Variants in RGS7 observed in about 807,000 individuals in gnomAD.
The protein encoded by RGS7 is regulator of G-protein signaling 7.
A neutral mutation model predicts 81.1 loss-of-function variants in RGS7; 27 were observed. That is an observed-to-expected ratio of 0.33 (90% CI 0.25 to 0.46). RGS7 has a LOEUF of 0.46. Ranked by LOEUF, RGS7 falls within the 20% of genes least tolerant of loss-of-function variation. RGS7 has a pLI of 1.00. For synonymous variants in RGS7, 208 were observed against 207.7 expected, an observed-to-expected ratio of 1.00 and a Z score of -0.01; for missense variants, 396 against 607.4, an observed-to-expected ratio of 0.65 and a Z score of 3.66.
At chr1:241,115,640 T>C (rs1402947700) in intron 2 of RGS7, among the ~76,000 whole-genome samples, 1 of 152,188 alleles carries the variant, frequency 6.6e-6, no homozygotes, top group Admixed American at 6.5e-5. Flanking sequence ...CCCTGGTCCC[T>C]TGTTTTGGGA....
chr1:241,175,832 A>G (rs1244047098), intron 2 of RGS7, among the ~76,000 whole-genome samples: 1 of 152,252 alleles, frequency 6.6e-6, no homozygotes. Flanking sequence ...GCTACAATCA[A>G]ACACATCAAG....
chr1:240,968,398 C>A (rs1682676201), intron 4 of RGS7, among the ~76,000 whole-genome samples: 1 of 152,146 alleles, frequency 6.6e-6, no homozygotes, highest in Non-Finnish European at 1.5e-5. Flanking sequence ...CATGTGCCTC[C>A]TGTGAAATGG....
At chr1:241,192,252 C>CATGT (rs1491204174) in intron 2 of RGS7, among the ~76,000 whole-genome samples, 6 of 124,754 alleles carry the variant, frequency 4.8e-5, no homozygotes, top group Middle Eastern at 8.0e-3. Flanking sequence ...TCTGTCTGCA[C>CATGT]GTGTGTGTGT....
chr1:241,343,245 G>C (rs747426874), intron 2 of RGS7, among the ~76,000 whole-genome samples: 40 of 138,672 alleles, frequency 2.9e-4, no homozygotes, highest in Non-Finnish European at 5.4e-4. Context: ...CTGGGCGACA[G>C]AGCGAGACTG....
In RGS7 at chr1:240,868,039, A is replaced by AAAAG. The variant is rs142198054; in HGVS notation, c.609+544_609+547dup. ...AGAAAGAAAGAAAAGAAAAGAAGAG[A>AAAAG]AAAGAAAGAAAGAAAGAAAGAAAAG... On this transcript the variant is annotated intron_variant, in intron 9 of 18. Coordinates refer to ENST00000440928, the MANE Select transcript of RGS7 (RefSeq NM_001364886.1). The surrounding 1 kb of genome is among the most constrained non-coding windows in gnomAD (Gnocchi z 5.1). 2.3e-3 allele frequency among the ~76,000 whole-genome samples: 353 copies of AAAAG among 150,856 alleles called. 2 individuals carry two copies. Among genetic ancestry groups the AAAAG allele is most frequent in the South Asian group, 0.013 (60 of 4,718 alleles).
At chr1:240,938,099 G>A (rs1178142333) in intron 4 of RGS7, among the ~76,000 whole-genome samples, 1 of 152,156 alleles carries the variant, frequency 6.6e-6, no homozygotes, top group East Asian at 1.9e-4. Context: ...AAAAATATAT[G>A]TACAGTTGTC....
intron 10 of RGS7, among the ~76,000 whole-genome samples, chr1:240,824,791 G>C (rs1035450356): frequency 6.6e-6 from 1 of 152,242 alleles, no homozygotes; most frequent in African/African-American, 2.4e-5. Flanking sequence ...GGTTAGGTGG[G>C]TTATAGGGTG....
chr1:240,970,712 G>C (rs7554316), intron 4 of RGS7, among the ~76,000 whole-genome samples: 62,322 of 152,008 alleles, frequency 0.41, 13,296 homozygotes, highest in East Asian at 0.67. Flanking sequence ...ATGCCAGGCA[G>C]AGTGGCTTAC....
At chr1:241,313,180 T>C (rs1248141678) in intron 2 of RGS7, among the ~76,000 whole-genome samples, 2 of 152,238 alleles carry the variant, frequency 1.3e-5, no homozygotes, top group Non-Finnish European at 2.9e-5. Flanking sequence ...CAGCAAATGC[T>C]GATGAAGAAG....
intron 3 of RGS7, among the ~76,000 whole-genome samples, chr1:241,067,951 C>A (rs2062166952): frequency 6.6e-6 from 1 of 151,072 alleles, no homozygotes; most frequent in South Asian, 2.1e-4. Flanking sequence ...GGAATTGCTC[C>A]CATCTGAATG....
At chr1:241,049,099 G>A (rs754860817) in intron 3 of RGS7, among the ~76,000 whole-genome samples, 9 of 152,030 alleles carry the variant, frequency 5.9e-5, no homozygotes, top group East Asian at 3.9e-4. Context: ...TCTTAACTTC[G>A]TTACATCTTC....
intron 6 of RGS7, among the ~76,000 whole-genome samples, chr1:240,919,284 A>G (rs1452814163): frequency 1.3e-5 from 2 of 152,106 alleles, no homozygotes; most frequent in East Asian, 3.9e-4. Context: ...AAAAAGGAAG[A>G]CTACAGACCA....
chr1:240,915,306 CA>C (rs1184794704), intron 6 of RGS7, among the ~76,000 whole-genome samples: 3 of 152,044 alleles, frequency 2.0e-5, no homozygotes, highest in African/African-American at 7.2e-5. Context: ...GAAAAACCCC[CA>C]AAACCCAAGG....
Position 241,307,438 on chromosome 1 carries a change from C to T in RGS7, c.78+48261G>A, listed in dbSNP as rs147017232. ...GCATCAATTATCCTGGTACTTCCCA[C>T]TTAGTAAAAGCAGTGAGTAGGCCCT... On this transcript the variant is annotated intron_variant, in intron 2 of 18. Coordinates refer to ENST00000440928, the MANE Select transcript of RGS7 (RefSeq NM_001364886.1). Among the ~76,000 whole-genome samples, 164 of 152,304 alleles carry T rather than the reference C, an allele frequency of 1.1e-3. 1 individual carries two copies. The highest frequency in any genetic ancestry group is 3.1e-3 in the African/African-American group (130 of 41,566).
chr1:241,148,114 T>C (rs2103116919), intron 2 of RGS7, among the ~76,000 whole-genome samples: 1 of 148,766 alleles, frequency 6.7e-6, no homozygotes, highest in Middle Eastern at 3.5e-3. Context: ...TATAGTGTGC[T>C]ATCTTGGCTC....
At chr1:240,841,624 TATA>T (rs1658014976) in intron 9 of RGS7, among the ~76,000 whole-genome samples, 1 of 152,226 alleles carries the variant, frequency 6.6e-6, no homozygotes, top group Non-Finnish European at 1.5e-5. Flanking sequence ...CTCTAAACTA[TATA>T]GATTAGTCAC....
chr1:240,984,276 T>C (rs578084440), intron 3 of RGS7, among the ~76,000 whole-genome samples: 174 of 152,182 alleles, frequency 1.1e-3, no homozygotes, highest in Non-Finnish European at 2.0e-3. Flanking sequence ...ACTGGCAATA[T>C]ATATGAAATG....
chr1:241,323,892 G>A (rs909634718), intron 2 of RGS7, among the ~76,000 whole-genome samples: 4 of 152,188 alleles, frequency 2.6e-5, no homozygotes, highest in Non-Finnish European at 5.9e-5. Context: ...AAAAGGCCTA[G>A]GCAAATGGTA....
chr1:241,308,273 T>C (rs1223666364), intron 2 of RGS7, among the ~76,000 whole-genome samples: 1 of 152,190 alleles, frequency 6.6e-6, no homozygotes, highest in Non-Finnish European at 1.5e-5. Flanking sequence ...GTACAGTCCA[T>C]TGAGAATAGA....
Sources: gnomAD v4.1 joint callset for allele counts (sites outside exome capture counted in the v4.1 genomes callset) on GRCh38, gnomAD v4.1.1 for gene constraint, Gnocchi (gnomAD v3.1) non-coding constraint, MANE v1.5 for transcripts, NCBI Gene and HGNC (gene_info 2026-07-23, HGNC 2026-07-21) for gene names.